IL2: variants seen among roughly 807,000 people sequenced by gnomAD.
IL2 encodes the protein interleukin-2.
A neutral mutation model predicts 14.6 loss-of-function variants in IL2; 3 were observed. The observed-to-expected ratio is 0.21, with a 90% confidence interval of 0.09 to 0.53. The LOEUF (loss-of-function observed/expected upper bound fraction) is 0.53. Among genes scored for constraint, IL2 ranks in the 20% least tolerant of loss-of-function variants. IL2 has a pLI of 0.95. For synonymous variants in IL2, 71 were observed against 60.0 expected (o/e 1.18, Z -0.85); for missense variants, 125 against 170.8 (o/e 0.73, Z 1.50).
At position 122,453,690 on chromosome 4, in the gene IL2, C is replaced by T; in HGVS notation, c.351+20G>A. 1 of 1,555,000 alleles carries T rather than the reference C, an allele frequency of 6.4e-7. No homozygotes were observed. Among genetic ancestry groups the T allele is most frequent in the Admixed American group, 2.0e-5 (1 of 49,744 alleles). ...TTTTTTTTTTTTATTTCCAGGAGAG[C>T]AAATAAAGTAATGCCTTACCTTTAG... On this transcript the variant is annotated intron_variant, in intron 3 of 3. Transcript: ENST00000226730.
intron 2 of IL2, among the ~76,000 whole-genome samples, chr4:122,454,479 T>G (rs1487081943): frequency 6.6e-6 from 1 of 151,786 alleles, no homozygotes; most frequent in South Asian, 2.1e-4. Flanking sequence ...GGGAGGACTT[T>G]TGGACAGGCC....
At chr4:122,451,957 T>A in intron 3 of IL2, 95 bp from the exon 4 acceptor site, 1 of 431,452 alleles carries the variant, frequency 2.3e-6, no homozygotes, top group Non-Finnish European at 4.1e-6. Context: ...GTTGCCTTTA[T>A]TTTCAAGCTT....
At position 122,453,869 on chromosome 4, in the gene IL2, T is replaced by C; in HGVS notation, c.208-16A>G. The C allele has an allele frequency of 1.3e-5, 20 of 1,596,706 alleles. No homozygotes were observed. The highest frequency in any genetic ancestry group is 1.7e-5 in the Non-Finnish European group (20 of 1,172,810). On this transcript the variant is annotated splice_polypyrimidine_tract_variant and intron_variant, in intron 2 of 3. Coordinates refer to ENST00000226730, the MANE Select transcript of IL2 (RefSeq NM_000586.4). ...GTTCTGTGGCCTAGAATAATAATTA[T>C]CATCAGCTCAGTTTACATAGAGGTC...
At chr4:122,453,602 A>T (rs983420798) in intron 3 of IL2, 108 bp downstream of exon 3, 1 of 837,500 alleles carries the variant, frequency 1.2e-6, no homozygotes, top group African/African-American at 1.7e-5. Flanking sequence ...AATTACATGC[A>T]TGGGTACTTT....
At chr4:122,455,223 C>T (rs1797717842) in intron 2 of IL2, among the ~76,000 whole-genome samples, 1 of 151,748 alleles carries the variant, frequency 6.6e-6, no homozygotes, top group Non-Finnish European at 1.5e-5. Flanking sequence ...GGCTTGGATT[C>T]ACCCTGGCAC....
intron 2 of IL2, 90 bp downstream of exon 2, chr4:122,456,054 G>A: frequency 1.1e-6 from 1 of 897,490 alleles, no homozygotes. Context: ...CTTTACCTCA[G>A]ATGAGCTGCT....
chr4:122,453,052 A>G (rs532443836), intron 3 of IL2, among the ~76,000 whole-genome samples: 2 of 152,040 alleles, frequency 1.3e-5, no homozygotes, highest in South Asian at 2.1e-4. Flanking sequence ...TATGCTGCTT[A>G]TTTAGGATAC....
Position 122,456,297 on chromosome 4 carries a change from A to C in IL2, c.144T>G (p.Ile48Met). 6.2e-7 allele frequency: 1 copy of C among 1,607,974 alleles called. No individual in the cohort carries two copies. ...LLDLQMILNGINNYKNPKLTR... is the reference protein window; with the variant it reads ...LLDLQMILNGMNNYKNPKLTR... The stretch of plus-strand genomic sequence containing the variant: ...GTAAGAAAGGAAATATACTTACATT[A>C]ATTCCATTCAAAATCATCTGTAAAT... Residue 48 changes from isoleucine (I) to methionine (M), a missense_variant, in exon 1 of 4, where the codon ATT becomes ATG. Physicochemically the swap from Ile to Met is conservative, Grantham distance 10. Coordinates refer to ENST00000226730, the MANE Select transcript of IL2 (RefSeq NM_000586.4).
Position 122,451,786 on chromosome 4 carries a change from G to A in IL2, c.428C>T (p.Thr143Ile), listed in dbSNP as rs1797678560. 1.9e-6 allele frequency: 3 copies of A among 1,586,604 alleles called. No individual in the cohort carries two copies. The African/African-American group carries it at 4.1e-5, about 21-fold the overall frequency. Residue 143 changes from threonine to isoleucine, a missense_variant, in exon 4 of 4, where the codon ACC becomes ATC. Physicochemically the swap from Thr to Ile is moderately conservative, Grantham distance 89 (BLOSUM62 -1). Coordinates refer to ENST00000226730, the MANE Select transcript of IL2 (RefSeq NM_000586.4). ...TIVEFLNRWI[T>I]FCQSIISTLT ...TGTTGAGATGATGCTTTGACAAAAG[G>A]TAATCCATCTGTTCAGAAATTCTAC...
intron 3 of IL2, 67 bp from the exon 4 acceptor site, chr4:122,451,929 T>C (rs41304870): frequency 6.2e-6 from 4 of 647,614 alleles, no homozygotes; most frequent in Non-Finnish European, 9.9e-6. Context: ...TTATTCCCAA[T>C]TGAAGTCTTA....
chr4:122,452,539 A>C (rs1258971141), intron 3 of IL2, among the ~76,000 whole-genome samples: 1 of 152,010 alleles, frequency 6.6e-6, no homozygotes, highest in Admixed American at 6.6e-5. Context: ...TTCTCTGCTG[A>C]AAGGAGCTAT....
At position 122,453,746 on chromosome 4, in the gene IL2, T is replaced by G. The variant is rs749017354; in HGVS notation, c.315A>C (p.Leu105Phe). 2.5e-6 allele frequency: 4 copies of G among 1,611,520 alleles called. No individual in the cohort carries two copies. In the South Asian group the frequency reaches 3.3e-5, roughly 13 times the overall value. Residue 105 changes from leucine (L) to phenylalanine (F), a missense_variant, in exon 3 of 4, where the codon TTA becomes TTC. Physicochemically the swap from Leu to Phe is conservative, Grantham distance 22. Coordinates refer to ENST00000226730, the MANE Select transcript of IL2 (RefSeq NM_000586.4). Reference protein sequence around the residue: ...SKNFHLRPRDLISNINVIVLE... With the variant: ...SKNFHLRPRDFISNINVIVLE... ...GAACTATTACGTTGATATTGCTGAT[T>G]AAGTCCCTGGGTCTTAAGTGAAAGT...
chr4:122,456,071 C>A, intron 2 of IL2, 73 bp downstream of exon 2: 1 of 1,101,356 alleles, frequency 9.1e-7, no homozygotes, highest in South Asian at 1.3e-5. Flanking sequence ...TGCTATTAGT[C>A]CCATCTGTGC....
At chr4:122,454,932 T>C (rs1356316190) in intron 2 of IL2, among the ~76,000 whole-genome samples, 1 of 151,838 alleles carries the variant, frequency 6.6e-6, no homozygotes, top group African/African-American at 2.4e-5. Context: ...TCCCCTGATA[T>C]GTCCATCTAT....
In IL2 at chr4:122,451,590, A is replaced by G. The variant is rs1221994541; in HGVS notation, c.*162T>C. Reference sequence around the variant, plus strand: ...TAAGTGAAACCATTTTAGAGCCCCTAGGGCTTACAAAAAGAATCATAAAAG... The same window carrying G: ...TAAGTGAAACCATTTTAGAGCCCCTGGGGCTTACAAAAAGAATCATAAAAG... On this transcript the variant is annotated 3_prime_UTR_variant, in exon 4 of 4. Coordinates refer to ENST00000226730, the MANE Select transcript of IL2 (RefSeq NM_000586.4). 2.7e-6 allele frequency: 1 copy of G among 365,266 alleles called. No individual in the cohort carries two copies. Among genetic ancestry groups the G allele is most frequent in the African/African-American group, 2.1e-5 (1 of 47,366 alleles). 22.6% of individuals were successfully genotyped at this position (365,266 alleles called of 1,614,324 possible).
chr4:122,454,488 C>T (rs1797710372), intron 2 of IL2, among the ~76,000 whole-genome samples: 1 of 151,558 alleles, frequency 6.6e-6, no homozygotes, highest in Non-Finnish European at 1.5e-5. Context: ...TTTGGACAGG[C>T]CTCTTGATTC....
In IL2 at chr4:122,451,763, T is replaced by C; in HGVS notation, c.451A>G (p.Thr151Ala). The change falls in exon 4 of 4, where the codon ACA (threonine) becomes GCA (alanine). Residue 151 changes from threonine (T) to alanine (A), a missense_variant. By Grantham distance (58) the Thr-to-Ala change is moderately conservative. Coordinates refer to ENST00000226730, the MANE Select transcript of IL2 (RefSeq NM_000586.4). ...GAAGCACTTAATTATCAAGTCAGTG[T>C]TGAGATGATGCTTTGACAAAAGGTA... Reference protein sequence around the residue: ...WITFCQSIISTLT With the variant: ...WITFCQSIISALT The C allele has an allele frequency of 2.6e-6, 4 of 1,538,542 alleles. No individual in the cohort carries two copies. Among genetic ancestry groups the C allele is most frequent in the Non-Finnish European group, 2.7e-6 (3 of 1,125,378 alleles).
At position 122,456,496 on chromosome 4, in the gene IL2, C is replaced by G; in HGVS notation, c.-56G>C. On this transcript the variant is annotated 5_prime_UTR_variant, in exon 1 of 4. Coordinates refer to ENST00000226730, the MANE Select transcript of IL2 (RefSeq NM_000586.4). Reference sequence around the variant, plus strand: ...TGATTAAAGAGAGTGATAGGGAACTCTTGAACAAGAGATGCAATTTATACT... The same window carrying G: ...TGATTAAAGAGAGTGATAGGGAACTGTTGAACAAGAGATGCAATTTATACT... 1 of 1,401,786 alleles carries G rather than the reference C, an allele frequency of 7.1e-7. No individual in the cohort carries two copies. The highest frequency in any genetic ancestry group is 9.8e-7 in the Non-Finnish European group (1 of 1,023,920). 86.8% of individuals were successfully genotyped at this position (1,401,786 alleles called of 1,614,324 possible).
rs1797731393 is a variant in IL2, at chr4:122,456,486, A to G, written c.-46T>C. On this transcript the variant is annotated 5_prime_UTR_variant, in exon 1 of 4. Coordinates refer to ENST00000226730, the MANE Select transcript of IL2 (RefSeq NM_000586.4). ...CTGTGAGTAGTGATTAAAGAGAGTG[A>G]TAGGGAACTCTTGAACAAGAGATGC... The G allele has an allele frequency of 6.7e-7, 1 of 1,482,874 alleles. No individual in the cohort carries two copies. The allele number at this position is 1,482,874 out of a possible 1,614,324, so 91.9% of individuals were successfully genotyped here.
Sources: allele counts gnomAD v4.1 joint callset (sites outside exome capture counted in the v4.1 genomes callset), GRCh38; gene constraint gnomAD v4.1.1; transcripts MANE v1.5; gene names NCBI Gene and HGNC (gene_info 2026-07-23, HGNC 2026-07-21).